The following ENTPD5 variants were observed in gnomAD, a reference collection of about 807,000 sequenced individuals.
The protein encoded by ENTPD5 is ectonucleoside triphosphate diphosphohydrolase 5 (inactive), also known as nucleoside diphosphate phosphatase ENTPD5.
ENTPD5 carries 49 observed loss-of-function variants against 60.2 expected under a neutral mutation model. The ratio of observed to expected loss-of-function variants is 0.81; its 90% CI spans 0.65 to 1.03. ENTPD5 has a LOEUF of 1.03. Among genes scored for constraint, ENTPD5 ranks in the 50% least tolerant of loss-of-function variants. The pLI is 0.00. For synonymous variants in ENTPD5, 187 were observed against 185.4 expected, an observed-to-expected ratio of 1.01 and a Z score of -0.07; for missense variants, 480 against 507.6, an observed-to-expected ratio of 0.95 and a Z score of 0.52.
At chr14:73,985,129 T>C (rs2057848482) in intron 5 of ENTPD5, among the ~76,000 whole-genome samples, 1 of 152,244 alleles carries the variant, frequency 6.6e-6, no homozygotes, top group South Asian at 2.1e-4. Context: ...ATTTTCTTAA[T>C]CTAGTCTATC....
chr14:73,966,912 A>G lies in ENTPD5; in HGVS notation c.*16T>C. 1 of 1,608,742 alleles carries G rather than the reference A, an allele frequency of 6.2e-7. No homozygotes were observed. Among genetic ancestry groups the G allele is most frequent in the Non-Finnish European group, 8.5e-7 (1 of 1,175,220 alleles). ...AAGGTGTTGGCAAATGCAGGTCTCC[A>G]AGGAAGTACGTGGCCTCAATGGGAG... On this transcript the variant is annotated 3_prime_UTR_variant, in exon 16 of 16. Transcript: ENST00000334696.
In ENTPD5 at chr14:73,963,751, A is replaced by C. The variant is rs2056861050; in HGVS notation, c.*3177T>G. 6.6e-6 allele frequency: 1 copy of C among 152,344 alleles called. No individual in the cohort carries two copies. Among genetic ancestry groups the C allele is most frequent in the South Asian group, 2.1e-4 (1 of 4,836 alleles). 9.4% of individuals were successfully genotyped at this position (152,344 alleles called of 1,614,324 possible). On this transcript the variant is annotated 3_prime_UTR_variant, in exon 16 of 16. Transcript: ENST00000334696. ...GGGTTTTTGAAGAGGTCTCGTCACAAGACCAGAGATGCCTCTTGAAGAGAT... is the reference window on the plus strand; with the variant it reads ...GGGTTTTTGAAGAGGTCTCGTCACACGACCAGAGATGCCTCTTGAAGAGAT...
At chr14:73,959,862 A>C (rs1414390357), downstream of ENTPD5, 24 of 1,265,896 alleles carry the variant, frequency 1.9e-5, no homozygotes, top group Non-Finnish European at 2.4e-5. Flanking sequence ...GAGCCACTGC[A>C]CCCAGCCAGA....
At chr14:73,955,759 T>C (rs781594059), downstream of ENTPD5, 1 of 1,613,944 alleles carries the variant, frequency 6.2e-7, no homozygotes, top group South Asian at 1.1e-5. Flanking sequence ...ATTGGAGTGA[T>C]GTTTCCCTCT....
At chr14:73,991,670 G>T (rs2058140442) in intron 3 of ENTPD5, among the ~76,000 whole-genome samples, 1 of 145,990 alleles carries the variant, frequency 6.8e-6, no homozygotes, top group African/African-American at 2.5e-5. Context: ...AAGGTAGGAT[G>T]TTTAGCAGTA....
intron 6 of ENTPD5, among the ~76,000 whole-genome samples, chr14:73,977,854 G>A (rs952236155): frequency 6.6e-6 from 1 of 152,176 alleles, no homozygotes; most frequent in South Asian, 2.1e-4. Context: ...CACATGGCTA[G>A]GGTCTCTAGA....
chr14:73,972,041 T>G, intron 13 of ENTPD5, 133 bp from the exon 14 acceptor site: 1 of 664,778 alleles, frequency 1.5e-6, no homozygotes, highest in Non-Finnish European at 2.7e-6. Flanking sequence ...TTACAATCTA[T>G]TCCATGTTAT....
chr14:73,961,731 C>T, downstream of ENTPD5: 1 of 1,614,114 alleles, frequency 6.2e-7, no homozygotes, highest in South Asian at 1.1e-5. Flanking sequence ...TTCCTCTGCC[C>T]TTCAGGTTCC....
chr14:73,995,332 G>A (rs766513490), intron 3 of ENTPD5, among the ~76,000 whole-genome samples: 2 of 152,084 alleles, frequency 1.3e-5, no homozygotes, highest in Non-Finnish European at 2.9e-5. Context: ...ATAGGCATGA[G>A]CCACCTTGGC....
In ENTPD5 at chr14:74,015,896, C is replaced by A. The variant is rs1164269645; in HGVS notation, c.-203G>T. 6.6e-6 allele frequency: 1 copy of A among 152,170 alleles called. No homozygotes were observed. The highest frequency in any genetic ancestry group is 2.4e-5 in the African/African-American group (1 of 41,440). The allele number at this position is 152,170 out of a possible 1,614,324, so 9.4% of individuals were successfully genotyped here. ...TCTGTATGAGGATTCAGCCAAGACA[C>A]TCCACATTTCTTTGTTGACCAGGAA... On this transcript the variant is annotated 5_prime_UTR_variant, in exon 2 of 16. Coordinates refer to ENST00000334696, the MANE Select transcript of ENTPD5 (RefSeq NM_001249.5).
At chr14:73,961,863 C>T (rs146458320), downstream of ENTPD5, 166 of 1,614,136 alleles carry the variant, frequency 1.0e-4, no homozygotes, top group African/African-American at 1.7e-3. Flanking sequence ...TTGCTCAGGA[C>T]GTGGGGCTTG....
downstream of ENTPD5, chr14:73,960,444 C>G: frequency 1.0e-6 from 1 of 989,158 alleles, no homozygotes; most frequent in Non-Finnish European, 1.2e-6. Context: ...TACCTTCACA[C>G]CAAAGACTCC....
downstream of ENTPD5, chr14:73,955,950 T>C (rs774488472): frequency 2.5e-6 from 4 of 1,613,646 alleles, no homozygotes; most frequent in East Asian, 2.2e-5. Flanking sequence ...ATCTTCCACC[T>C]TGCATTCATT....
intron 3 of ENTPD5, among the ~76,000 whole-genome samples, chr14:73,991,891 C>T (rs944778437): frequency 6.6e-5 from 10 of 151,184 alleles, no homozygotes; most frequent in Admixed American, 5.9e-4. Context: ...CCCAGCTACT[C>T]GGGAGCCTGA....
intron 1 of ENTPD5, among the ~76,000 whole-genome samples, chr14:74,017,648 G>T (rs569992347): frequency 6.6e-6 from 1 of 151,790 alleles, no homozygotes; most frequent in East Asian, 1.9e-4. Flanking sequence ...CACTTTGGGA[G>T]ACCAAGGCGG....
At chr14:73,996,314 C>G (rs2058341191) in intron 3 of ENTPD5, 1 of 401,800 alleles carries the variant, frequency 2.5e-6, no homozygotes, top group Admixed American at 6.4e-5. Context: ...TCTCTGAGTA[C>G]ACAATTCGTT....
intron 3 of ENTPD5, among the ~76,000 whole-genome samples, chr14:73,998,223 G>A (rs748150267): frequency 6.6e-6 from 1 of 152,108 alleles, no homozygotes; most frequent in African/African-American, 2.4e-5. Context: ...TTATCTATAG[G>A]AGCATCTGAA....
intron 6 of ENTPD5, among the ~76,000 whole-genome samples, chr14:73,978,609 A>ACAAAT (rs1431841265): frequency 6.6e-6 from 1 of 150,462 alleles, no homozygotes; most frequent in Non-Finnish European, 1.5e-5. Flanking sequence ...CTCAAACAAA[A>ACAAAT]CAAAACAAAA....
At chr14:73,998,201 T>C (rs1037675273) in intron 3 of ENTPD5, among the ~76,000 whole-genome samples, 1 of 152,146 alleles carries the variant, frequency 6.6e-6, no homozygotes, top group Non-Finnish European at 1.5e-5. Flanking sequence ...CCCAGCGCAG[T>C]GTTCCTTGCA....
Sources: allele counts gnomAD v4.1 joint callset (sites outside exome capture counted in the v4.1 genomes callset), GRCh38; gene constraint gnomAD v4.1.1; transcripts MANE v1.5; gene names NCBI Gene and HGNC (gene_info 2026-07-23, HGNC 2026-07-21).